The following FAT3 variants were observed in gnomAD, a reference collection of about 807,000 sequenced individuals.
FAT3 encodes FAT atypical cadherin 3.
Under a neutral mutation model 310.2 loss-of-function variants are expected in FAT3, and 95 were observed. The ratio of observed to expected loss-of-function variants is 0.31; its 90% confidence interval spans 0.26 to 0.36. The LOEUF is 0.36. Among genes scored for constraint, FAT3 ranks in the 10% least tolerant of loss-of-function variants. The pLI is 1.00. For synonymous variants in FAT3, 2,314 were observed against 2,192.9 expected, an observed-to-expected ratio of 1.06 and a Z score of -1.54; for missense variants, 5,408 against 5,715.6, an observed-to-expected ratio of 0.95 and a Z score of 1.74.
rs780883613 is a variant in FAT3, at chr11:92,797,925, G to C, written c.4912G>C (p.Val1638Leu). 1.9e-6 allele frequency: 3 copies of C among 1,613,828 alleles called. No homozygotes were observed. Among genetic ancestry groups the C allele is most frequent in the Non-Finnish European group, 2.5e-6 (3 of 1,179,826 alleles). ...AGACATGACGACGATGGGTCAGTTT[G>C]TCCTATCCATCAAAGTCACAGATCA... ...EPDMTTMGQF[V>L]LSIKVTDQGS... is the part of the protein sequence containing the mutation. Residue 1638 changes from valine (V) to leucine (L), a missense_variant, in exon 10 of 28, where the codon GTC (valine) becomes CTC (leucine). Physicochemically the swap from Val to Leu is conservative, Grantham distance 32 (BLOSUM62 1). Transcript: ENST00000525166.
Position 92,890,818 on chromosome 11 carries a change from A to G in FAT3, c.13475A>G (p.Gln4492Arg), listed in dbSNP as rs1162820484. 6 of 1,613,190 alleles carry G rather than the reference A, an allele frequency of 3.7e-6. No individual in the cohort carries two copies. In the African/African-American group the frequency reaches 6.7e-5, roughly 18 times the overall value. The change falls in exon 28 of 28, where the codon CAG (glutamine) becomes CGG (arginine). Residue 4492 changes from glutamine to arginine, a missense_variant. Gln to Arg is a conservative substitution (Grantham distance 43). Around this residue, in one of 5 missense-constraint regions of FAT3, gnomAD observed 649 missense variants for 666.2 expected, o/e 0.97. Transcript: ENST00000525166. ...CRRRPQFHPS[Q>R]YLPPHPFPNE... Reference sequence around the variant, plus strand: ...AGAAGGCCCCAGTTTCATCCTAGCCAGTATCTCCCTCCTCACCCATTCCCC... The same window carrying G: ...AGAAGGCCCCAGTTTCATCCTAGCCGGTATCTCCCTCCTCACCCATTCCCC...
chr11:92,870,687 T>C (rs943776922), intron 22 of FAT3, among the ~76,000 whole-genome samples: 6 of 152,136 alleles, frequency 3.9e-5, no homozygotes, highest in Admixed American at 6.6e-5. Context: ...GGAAAACACA[T>C]TTGAAGCCAG....
At chr11:92,634,609 G>A (rs1436477355) in intron 3 of FAT3, among the ~76,000 whole-genome samples, 2 of 152,186 alleles carry the variant, frequency 1.3e-5, no homozygotes, top group Non-Finnish European at 2.9e-5. Flanking sequence ...AGCAAGCAGA[G>A]GTACTGAGAT....
At chr11:92,611,031 T>C (rs1467601204) in intron 3 of FAT3, among the ~76,000 whole-genome samples, 3 of 152,214 alleles carry the variant, frequency 2.0e-5, no homozygotes, top group Non-Finnish European at 4.4e-5. Flanking sequence ...CTGGCCGTTT[T>C]ATTGTCTCTG....
intron 1 of FAT3, among the ~76,000 whole-genome samples, chr11:92,304,411 T>C (rs984563023): frequency 6.6e-6 from 1 of 152,096 alleles, no homozygotes; most frequent in African/African-American, 2.4e-5. Context: ...TGAAGACTTG[T>C]CCATTAGTTG....
intron 3 of FAT3, among the ~76,000 whole-genome samples, chr11:92,539,909 G>A (rs556480910): frequency 1.3e-5 from 2 of 152,138 alleles, no homozygotes; most frequent in Admixed American, 6.6e-5. Context: ...CTATGTCATC[G>A]CATAGGGCCC....
chr11:92,616,378 A>G (rs1280423443), intron 3 of FAT3, among the ~76,000 whole-genome samples: 1 of 151,750 alleles, frequency 6.6e-6, no homozygotes, highest in South Asian at 2.1e-4. Context: ...GTGTCTCTGC[A>G]GTGAGATGGG....
intron 4 of FAT3, among the ~76,000 whole-genome samples, chr11:92,720,980 A>T (rs1421460859): frequency 6.6e-6 from 1 of 152,182 alleles, no homozygotes; most frequent in Non-Finnish European, 1.5e-5. Flanking sequence ...GTACATGTGC[A>T]GGATGTTACA....
intron 1 of FAT3, among the ~76,000 whole-genome samples, chr11:92,315,537 A>AGAGAGATT (rs1555009478): frequency 3.5e-5 from 5 of 141,606 alleles, no homozygotes; most frequent in African/African-American, 1.4e-4. Flanking sequence ...AGAGAGAGAG[A>AGAGAGATT]GAGAGAGAGA....
intron 4 of FAT3, among the ~76,000 whole-genome samples, chr11:92,750,984 T>TCA (rs1945812612): frequency 6.6e-6 from 1 of 152,170 alleles, no homozygotes. Flanking sequence ...AGTGAATTGT[T>TCA]CACGTTTCCT....
chr11:92,409,846 G>A (rs553314149), intron 2 of FAT3, among the ~76,000 whole-genome samples: 9 of 152,230 alleles, frequency 5.9e-5, no homozygotes, highest in African/African-American at 2.2e-4. Flanking sequence ...GCCAGCCTCA[G>A]ACAGCATTCT....
chr11:92,422,843 G>C (rs1216869853), intron 2 of FAT3, among the ~76,000 whole-genome samples: 1 of 152,170 alleles, frequency 6.6e-6, no homozygotes, highest in African/African-American at 2.4e-5. Context: ...TCTATCAGTA[G>C]ATATTCGTTG....
rs191863697 is a variant in FAT3 at position 92,831,509 on chromosome 11, T to C, written c.9482-113T>C. The C allele has an allele frequency of 3.0e-4, 259 of 864,612 alleles. No individual in the cohort carries two copies. In the African/African-American group the frequency reaches 4.0e-3, roughly 13 times the overall value. 53.6% of individuals were successfully genotyped at this position (864,612 alleles called of 1,614,324 possible). A position where few individuals can be genotyped will look rare whatever the true frequency, so the allele number is the denominator to read the frequency against. ...GTAGAGCCACAGCTGTCTGTTTCTG[T>C]AATAACTATTTTTCTTGTTGTGGCC... On this transcript the variant is annotated intron_variant, in intron 13 of 27. Coordinates refer to ENST00000525166, the MANE Select transcript of FAT3 (RefSeq NM_001367949.2).
chr11:92,568,437 G>A (rs186796526), intron 3 of FAT3, among the ~76,000 whole-genome samples: 183 of 152,196 alleles, frequency 1.2e-3, no homozygotes, highest in African/African-American at 4.3e-3. Context: ...ATAACTTATA[G>A]TGAGGAAAAA....
At chr11:92,877,897 G>A (rs1949569486) in intron 22 of FAT3, among the ~76,000 whole-genome samples, 1 of 152,134 alleles carries the variant, frequency 6.6e-6, no homozygotes, top group Non-Finnish European at 1.5e-5. Context: ...AGTAAAAAAT[G>A]CATCTAATAC....
intron 3 of FAT3, among the ~76,000 whole-genome samples, chr11:92,661,600 C>CT (rs1220028355): frequency 6.6e-6 from 1 of 151,632 alleles, no homozygotes; most frequent in Non-Finnish European, 1.5e-5. Context: ...CTGGTGTCTT[C>CT]TTTTTTTAAG....
At chr11:92,511,286 A>G (rs759127723) in intron 2 of FAT3, among the ~76,000 whole-genome samples, 2 of 152,196 alleles carry the variant, frequency 1.3e-5, no homozygotes, top group African/African-American at 4.8e-5. Context: ...CATATGCGTT[A>G]AAGAAGTCTG....
In FAT3 at chr11:92,512,913, GAGATCGAGA is replaced by G. The variant is rs1197276484; in HGVS notation, c.3293-11720_3293-11712del. On this transcript the variant is annotated intron_variant, in intron 2 of 27. Coordinates refer to ENST00000525166, the MANE Select transcript of FAT3 (RefSeq NM_001367949.2). The stretch of plus-strand genomic sequence containing the variant: ...CGAGGCGGGCGGATCACGAGGTCAG[GAGATCGAGA>G]CCATCCTGGCTAACACGGTGAAACC... Among the ~76,000 whole-genome samples, 19 of 99,826 alleles carry G rather than the reference GAGATCGAGA, an allele frequency of 1.9e-4. 1 individual carries two copies. Among genetic ancestry groups the G allele is most frequent in the South Asian group, 3.5e-4 (1 of 2,866 alleles). 65.5% of individuals were successfully genotyped at this position (99,826 alleles called of 152,430 possible).
chr11:92,373,412 A>G (rs527977978), intron 2 of FAT3, among the ~76,000 whole-genome samples: 16 of 152,286 alleles, frequency 1.1e-4, no homozygotes, highest in Middle Eastern at 3.4e-3. Context: ...AGCCTCGTCA[A>G]AATCCATGGT....
Sources: gnomAD v4.1 joint callset for allele counts (sites outside exome capture counted in the v4.1 genomes callset) on GRCh38, gnomAD v4.1.1 for gene constraint, gnomAD v4.1.1 regional missense constraint, MANE v1.5 for transcripts, NCBI Gene and HGNC (gene_info 2026-07-23, HGNC 2026-07-21) for gene names.